The following MYO15B variants were observed in gnomAD, a reference collection of about 807,000 sequenced individuals.
MYO15B encodes myosin XVB pseudogene.
Under a neutral mutation model 119.3 loss-of-function variants are expected in MYO15B, and 207 were observed. The ratio of observed to expected loss-of-function variants is 1.73; its 90% CI spans 1.55 to 1.95. The LOEUF (loss-of-function observed/expected upper bound fraction) is 1.95, where lower values mean the gene tolerates loss of function less well. Ranked by LOEUF, MYO15B falls within the 30% of genes most tolerant of loss-of-function variation. MYO15B has a pLI of 0.00. For synonymous variants in MYO15B, 966 were observed against 498.9 expected, an observed-to-expected ratio of 1.94 and a Z score of -12.48; for missense variants, 2,264 against 1,203.1, an observed-to-expected ratio of 1.88 and a Z score of -13.04.
At chr17:75,619,155 A>G in exon 44 of MYO15B, 3 of 702,886 alleles carry the variant, frequency 4.3e-6, no homozygotes, top group Non-Finnish European at 7.8e-6. Flanking sequence ...CCTACGGGAC[A>G]CCTTCTCCGA....
chr17:75,624,002 C>T (rs2058864025), exon 55 of MYO15B: 2 of 703,040 alleles, frequency 2.8e-6, no homozygotes, highest in Non-Finnish European at 5.2e-6. Flanking sequence ...GGCTTCTTCC[C>T]CCCGTCGACC....
At chr17:75,608,243 C>T (rs1294790029) in intron 21 of MYO15B, among the ~76,000 whole-genome samples, 3 of 151,720 alleles carry the variant, frequency 2.0e-5, no homozygotes, top group Non-Finnish European at 4.4e-5. Context: ...CTCAGCCTCC[C>T]GAGTAGCTGG....
chr17:75,622,049 A>C (rs1339859752), exon 53 of MYO15B: 1 of 703,018 alleles, frequency 1.4e-6, no homozygotes, highest in Admixed American at 2.0e-5. Context: ...CGGGGCAAGG[A>C]TGAGATGGAT....
chr17:75,621,856 G>A (rs2058730051), intron 52 of MYO15B, 148 bp from the exon 53 acceptor site: 1 of 622,854 alleles, frequency 1.6e-6, no homozygotes. Context: ...CATGAGTCGA[G>A]CTGCAACCAG....
At chr17:75,612,008 G>A (rs764540582) in exon 25 of MYO15B, 20 of 702,840 alleles carry the variant, frequency 2.8e-5, no homozygotes, top group Non-Finnish European at 4.9e-5. Flanking sequence ...CGTCGCCATC[G>A]GCTTTCAGGT....
intron 43 of MYO15B, 34 bp downstream of exon 43, chr17:75,618,219 C>T (rs1433952825): frequency 2.8e-6 from 2 of 702,748 alleles, no homozygotes; most frequent in African/African-American, 1.7e-5. Context: ...CCTGAGACAT[C>T]TGCAGAGACA....
chr17:75,624,977 G>A (rs182275880), intron 59 of MYO15B, 61 bp downstream of exon 59: 9 of 688,626 alleles, frequency 1.3e-5, no homozygotes, highest in African/African-American at 3.5e-5. Context: ...CTGCCTGGGC[G>A]ACCTCCAAGC....
chr17:75,594,089 CAA>C (rs5822095), intron 9 of MYO15B, among the ~76,000 whole-genome samples: 3 of 107,320 alleles, frequency 2.8e-5, no homozygotes. Flanking sequence ...GACCCTGTCT[CAA>C]AAAAAAAAAA....
intron 22 of MYO15B, 168 bp from the exon 23 acceptor site, chr17:75,610,732 G>A: frequency 1.6e-6 from 1 of 615,772 alleles, no homozygotes; most frequent in South Asian, 1.9e-5. Flanking sequence ...GCTAAGGCTG[G>A]TGAGGGCCCT....
At chr17:75,610,619 T>C in intron 22 of MYO15B, 1 of 552,000 alleles carries the variant, frequency 1.8e-6, no homozygotes, top group Non-Finnish European at 3.2e-6. Flanking sequence ...TGCTACCCCC[T>C]CTCTGGCCCC....
chr17:75,598,435 G>C (rs1238002359), intron 14 of MYO15B, among the ~76,000 whole-genome samples: 1 of 150,332 alleles, frequency 6.7e-6, no homozygotes, highest in Admixed American at 6.6e-5. Flanking sequence ...AAAATTAGCC[G>C]GGCGTGATAG....
chr17:75,598,421 AC>A (rs1357901947), intron 14 of MYO15B, among the ~76,000 whole-genome samples: 1 of 151,512 alleles, frequency 6.6e-6, no homozygotes, highest in Non-Finnish European at 1.5e-5. Flanking sequence ...TACTAAAAAT[AC>A]AAAAAATTAG....
At chr17:75,626,548 G>T in exon 64 of MYO15B, 1 of 701,808 alleles carries the variant, frequency 1.4e-6, no homozygotes. Flanking sequence ...CACCCACATG[G>T]TCTGCCTTGG....
At chr17:75,592,997 CAT>C (rs1263902375) in intron 9 of MYO15B, 157 bp downstream of exon 9, 5 of 574,868 alleles carry the variant, frequency 8.7e-6, no homozygotes, top group Non-Finnish European at 1.2e-5. Flanking sequence ...AAAGCTGAGA[CAT>C]AGAGCTTCTC....
exon 63 of MYO15B, chr17:75,626,147 G>A (rs879203854): frequency 7.1e-6 from 5 of 702,472 alleles, no homozygotes; most frequent in South Asian, 5.9e-5. Flanking sequence ...TAAGCCCTCT[G>A]GAGGAGAAGG....
At chr17:75,601,645 G>A in intron 15 of MYO15B, 82 bp downstream of exon 15, 1 of 665,352 alleles carries the variant, frequency 1.5e-6, no homozygotes, top group Non-Finnish European at 2.8e-6. Flanking sequence ...CAGCGGAGAG[G>A]AGTGGGTGTG....
Position 75,624,925 on chromosome 17 carries a change from G to T in MYO15B, c.8688+9G>T. 1 of 701,942 alleles carries T rather than the reference G, an allele frequency of 1.4e-6. No homozygotes were observed. Among genetic ancestry groups the T allele is most frequent in the East Asian group, 2.7e-5 (1 of 37,268 alleles). 43.5% of individuals were successfully genotyped at this position (701,942 alleles called of 1,614,324 possible). ...GCACCCACTACAGCCAGGTCAGCCT[G>T]CCTGCCTCCGAGCTGCTGCTGCAGT... is the stretch of plus-strand genomic sequence containing the variant. On this transcript the variant is annotated intron_variant, in intron 59 of 63. Coordinates refer to ENST00000645453, the Ensembl canonical transcript of MYO15B.
rs764420986 is a variant in MYO15B at position 75,624,795 on chromosome 17, C to T, written c.8567C>T (p.Pro2856Leu). The change falls in exon 59 of 64, where the codon CCC becomes CTC. Residue 2856 changes from proline (P) to leucine (L), a missense_variant. Physicochemically the swap from Pro to Leu is moderately conservative, Grantham distance 98. Transcript: ENST00000645453. ...GGCCAGCTGGTGCGGCCCCTGCAGC[C>T]CGCCGAATACCTCAACAGCGTGGTA... The T allele has an allele frequency of 2.3e-5, 16 of 702,822 alleles. 1 individual carries two copies. The highest frequency in any genetic ancestry group is 2.2e-4 in the South Asian group (15 of 67,600). 43.5% of individuals were successfully genotyped at this position (702,822 alleles called of 1,614,324 possible).
intron 30 of MYO15B, 80 bp from the exon 31 acceptor site, chr17:75,614,503 G>A (rs958853103): frequency 4.2e-5 from 17 of 408,372 alleles, no homozygotes; most frequent in South Asian, 1.5e-4. Flanking sequence ...GGTGACCCCC[G>A]CAGCAGCTTC....
Sources: allele counts gnomAD v4.1 joint callset (sites outside exome capture counted in the v4.1 genomes callset), GRCh38; gene constraint gnomAD v4.1.1; transcripts MANE v1.5; gene names NCBI Gene and HGNC (gene_info 2026-07-23, HGNC 2026-07-21).